Variants in PLEKHM3 observed in about 807,000 individuals in gnomAD.
PLEKHM3 encodes the protein pleckstrin homology domain-containing family M member 3.
In PLEKHM3, 45 loss-of-function variants were observed where a neutral mutation model predicts 81.8. That is an observed-to-expected ratio of 0.55 (90% CI 0.43 to 0.71). The LOEUF is 0.71. PLEKHM3 is among the 30% of genes least tolerant of loss of function. The probability of loss-of-function intolerance (pLI) is 0.00; values close to 1 mark genes in which losing one functional copy is unlikely to be tolerated. For missense variants in PLEKHM3, 788 were observed against 924.3 expected (o/e 0.85, Z 1.91); for synonymous variants, 352 against 356.4 (o/e 0.99, Z 0.14).
At chr2:207,834,055 T>TAAG (rs1379627262) in intron 7 of PLEKHM3, among the ~76,000 whole-genome samples, 48 of 152,110 alleles carry the variant, frequency 3.2e-4, no homozygotes, top group Admixed American at 2.9e-3. Context: ...GAATATCATT[T>TAAG]AAGAAGTCAA....
At chr2:207,859,598 C>G (rs1391589264) in intron 7 of PLEKHM3, among the ~76,000 whole-genome samples, 2 of 150,216 alleles carry the variant, frequency 1.3e-5, no homozygotes, top group African/African-American at 4.9e-5. Context: ...ATGTGGTGTG[C>G]ATTTTGTTTT....
chr2:207,869,294 C>T (rs766247321), intron 6 of PLEKHM3, among the ~76,000 whole-genome samples: 1 of 152,166 alleles, frequency 6.6e-6, no homozygotes, highest in Non-Finnish European at 1.5e-5. Context: ...CCTCAAAGGG[C>T]ATGTCTACGT....
At chr2:207,858,177 T>TAC (rs1379465044) in intron 7 of PLEKHM3, among the ~76,000 whole-genome samples, 17 of 136,188 alleles carry the variant, frequency 1.2e-4, no homozygotes, top group African/African-American at 4.9e-4. Context: ...TGTGTGTGTA[T>TAC]ATATTTTTTT....
At chr2:207,982,257 C>T (rs938548374) in intron 2 of PLEKHM3, among the ~76,000 whole-genome samples, 1 of 135,694 alleles carries the variant, frequency 7.4e-6, no homozygotes. Context: ...CCCCCCCTCC[C>T]TCGCTCCCTC....
intron 1 of PLEKHM3, among the ~76,000 whole-genome samples, chr2:208,017,582 T>C (rs1350621403): frequency 1.9e-4 from 29 of 152,128 alleles, no homozygotes; most frequent in Admixed American, 1.9e-3. Context: ...ATAAAATCCA[T>C]CTTTGCCACC....
At chr2:207,989,221 G>A (rs1691818809) in intron 2 of PLEKHM3, among the ~76,000 whole-genome samples, 1 of 152,186 alleles carries the variant, frequency 6.6e-6, no homozygotes, top group African/African-American at 2.4e-5. Flanking sequence ...CACAGATCGT[G>A]TCAACAGAGT....
intron 2 of PLEKHM3, 41 bp downstream of exon 2, chr2:208,000,989 A>C: frequency 2.9e-6 from 1 of 345,068 alleles, no homozygotes; most frequent in South Asian, 7.6e-5. Context: ...CCCCAAAAAG[A>C]AAAAAAAAAA....
Position 207,977,344 on chromosome 2 carries a change from G to A in PLEKHM3, c.853C>T (p.Gln285Ter). 2 of 1,614,154 alleles carry A rather than the reference G, an allele frequency of 1.2e-6. No individual in the cohort carries two copies. Among genetic ancestry groups the A allele is most frequent in the Non-Finnish European group, 1.7e-6 (2 of 1,180,018 alleles). Residue 285 changes from glutamine to a stop codon, truncating the protein, a stop_gained, in exon 3 of 8, where the codon CAG becomes TAG. Coordinates refer to ENST00000427836, the MANE Select transcript of PLEKHM3 (RefSeq NM_001080475.3). LOFTEE classifies it high-confidence loss of function. ...MVDTVLYDNT[Q>*]LQLKAESPWE... ...GGTGACTCTGCCTTTAGCTGTAGCTGAGTGTTGTCATACAAAACAGTATCC... is the reference window on the plus strand; with the variant it reads ...GGTGACTCTGCCTTTAGCTGTAGCTAAGTGTTGTCATACAAAACAGTATCC...
At chr2:207,974,557 A>T (rs1559264521) in intron 3 of PLEKHM3, among the ~76,000 whole-genome samples, 3 of 152,216 alleles carry the variant, frequency 2.0e-5, no homozygotes, top group Admixed American at 2.0e-4. Flanking sequence ...CTCCAATAAC[A>T]CAACAGATTT....
At chr2:207,955,920 A>G (rs1044542235) in intron 3 of PLEKHM3, among the ~76,000 whole-genome samples, 10 of 152,360 alleles carry the variant, frequency 6.6e-5, no homozygotes, top group Admixed American at 2.6e-4. Flanking sequence ...ACAGCAGAAG[A>G]TAAGAGATGA....
chr2:207,849,242 G>A (rs1017093690), intron 7 of PLEKHM3, among the ~76,000 whole-genome samples: 2 of 152,080 alleles, frequency 1.3e-5, no homozygotes, highest in African/African-American at 4.8e-5. Flanking sequence ...GCTAAAGCTG[G>A]AGAATCGCTT....
intron 6 of PLEKHM3, among the ~76,000 whole-genome samples, chr2:207,877,806 T>C (rs1559217717): frequency 6.6e-6 from 1 of 152,224 alleles, no homozygotes; most frequent in Non-Finnish European, 1.5e-5. Flanking sequence ...AACCATTCTC[T>C]ATGCCATCAC....
At chr2:207,929,957 A>G (rs2105938220) in intron 5 of PLEKHM3, 1 of 694,592 alleles carries the variant, frequency 1.4e-6, no homozygotes, top group East Asian at 2.7e-5. Flanking sequence ...AAACAAAAAA[A>G]TTAAAAGGTA....
chr2:207,844,241 A>T (rs2092370260), intron 7 of PLEKHM3, among the ~76,000 whole-genome samples: 1 of 150,766 alleles, frequency 6.6e-6, no homozygotes, highest in South Asian at 2.1e-4. Context: ...AATCAGGTTC[A>T]TTATTTGTGT....
At chr2:208,002,496 CT>C (rs1020599405) in intron 1 of PLEKHM3, among the ~76,000 whole-genome samples, 1 of 152,154 alleles carries the variant, frequency 6.6e-6, no homozygotes, top group Admixed American at 6.5e-5. Flanking sequence ...GATGATGACT[CT>C]GGACTTCAGA....
chr2:207,839,171 T>C (rs2105886917), intron 7 of PLEKHM3, among the ~76,000 whole-genome samples: 1 of 152,276 alleles, frequency 6.6e-6, no homozygotes, highest in South Asian at 2.1e-4. Flanking sequence ...GACTCACTTG[T>C]ATTTAACACA....
chr2:207,989,310 C>T (rs1035264415), intron 2 of PLEKHM3, among the ~76,000 whole-genome samples: 11 of 152,254 alleles, frequency 7.2e-5, no homozygotes, highest in South Asian at 2.1e-4. Flanking sequence ...CCTTCTAACA[C>T]GCAAGAGAAG....
intron 5 of PLEKHM3, among the ~76,000 whole-genome samples, chr2:207,923,876 CACACATATAT>C (rs1448839874): frequency 7.2e-5 from 3 of 41,756 alleles, no homozygotes; most frequent in African/African-American, 9.3e-5. Context: ...CACACACACA[CACACATATAT>C]ATATATATAT....
intron 6 of PLEKHM3, among the ~76,000 whole-genome samples, chr2:207,907,323 G>A (rs1421867826): frequency 6.6e-6 from 1 of 152,090 alleles, no homozygotes; most frequent in African/African-American, 2.4e-5. Flanking sequence ...CCAACATGGT[G>A]AAACCCCATC....
Sources: allele counts gnomAD v4.1 joint callset (sites outside exome capture counted in the v4.1 genomes callset), GRCh38; gene constraint gnomAD v4.1.1; transcripts MANE v1.5; gene names NCBI Gene and HGNC (gene_info 2026-07-23, HGNC 2026-07-21).